The following PPFIBP2 variants were observed in gnomAD, a reference collection of about 807,000 sequenced individuals.
PPFIBP2 encodes liprin-beta-2.
PPFIBP2 carries 118 observed loss-of-function variants against 118.3 expected under a neutral mutation model. The observed-to-expected ratio is 1.00, with a 90% confidence interval of 0.86 to 1.16. The LOEUF is 1.16. Ranked by LOEUF, PPFIBP2 falls within the 50% of genes most tolerant of loss-of-function variation. The probability of loss-of-function intolerance (pLI) is 0.00; values close to 1 mark genes in which losing one functional copy is unlikely to be tolerated. For synonymous variants in PPFIBP2, 414 were observed against 397.4 expected, an observed-to-expected ratio of 1.04 and a Z score of -0.50; for missense variants, 1,195 against 1,073.1, an observed-to-expected ratio of 1.11 and a Z score of -1.59.
downstream of PPFIBP2, chr11:7,656,706 C>T (rs1337948862): frequency 7.8e-7 from 1 of 1,289,746 alleles, no homozygotes; most frequent in East Asian, 5.5e-5. Context: ...TAAACTGACC[C>T]TTCGGCTGTG....
chr11:7,570,125 C>G (rs1383813804), intron 3 of PPFIBP2, among the ~76,000 whole-genome samples: 1 of 141,912 alleles, frequency 7.0e-6, no homozygotes, highest in Non-Finnish European at 1.5e-5. Context: ...AAAGGGGTGT[C>G]TCTACCCCTC....
chr11:7,540,299 C>T (rs184558391), intron 1 of PPFIBP2, among the ~76,000 whole-genome samples: 1 of 152,208 alleles, frequency 6.6e-6, no homozygotes, highest in Admixed American at 6.5e-5. Context: ...GAAGCCAGTG[C>T]AGCCACTCTG....
intron 5 of PPFIBP2, chr11:7,598,162 C>G (rs2135336740): frequency 5.9e-6 from 1 of 169,124 alleles, no homozygotes; most frequent in African/African-American, 2.4e-5. Flanking sequence ...TAACTGTTCC[C>G]TACCATTCAA....
At position 7,627,419 on chromosome 11, in the gene PPFIBP2, A is replaced by C. The variant is rs1440138260; in HGVS notation, c.827-866A>C. 4.6e-5 allele frequency among the ~76,000 whole-genome samples: 7 copies of C among 152,182 alleles called. No homozygotes were observed. The East Asian group carries it at 1.3e-3, about 29-fold the overall frequency. On this transcript the variant is annotated intron_variant, in intron 8 of 23. Coordinates refer to ENST00000299492, the MANE Select transcript of PPFIBP2 (RefSeq NM_003621.5). Reference sequence around the variant, plus strand: ...TGTTAGATACAACAAGCATCCCAAAAGAAAATGGGAGGCCTATATATTTGT... The same window carrying C: ...TGTTAGATACAACAAGCATCCCAAACGAAAATGGGAGGCCTATATATTTGT...
rs145494599 is a variant in PPFIBP2, at chr11:7,651,843, G to C, written c.2435G>C (p.Arg812Pro). The C allele has an allele frequency of 8.1e-6, 13 of 1,607,500 alleles. No homozygotes were observed. The highest frequency in any genetic ancestry group is 1.1e-5 in the Non-Finnish European group (13 of 1,174,912). The change falls in exon 23 of 24, where the codon CGG becomes CCG. Residue 812 changes from arginine (R) to proline (P), a missense_variant and splice_region_variant. Coordinates refer to ENST00000299492, the MANE Select transcript of PPFIBP2 (RefSeq NM_003621.5). ...YTPLTTTAKV[R>P]PRKLGFSHFG... ...CCACTGACCACCACAGCCAAAGTCC[G>C]GGTGAGTTGCAGAGCCTTTCTGGGT...
At chr11:7,605,692 T>G (rs1485605193) in intron 5 of PPFIBP2, 5 of 1,315,420 alleles carry the variant, frequency 3.8e-6, no homozygotes, top group Admixed American at 7.4e-5. Flanking sequence ...TTCAAGGAAG[T>G]TGATAAACCA....
intron 5 of PPFIBP2, among the ~76,000 whole-genome samples, chr11:7,600,307 C>T (rs188131628): frequency 7.2e-4 from 110 of 152,306 alleles, no homozygotes; most frequent in Non-Finnish European, 1.3e-3. Context: ...GATCTAAATC[C>T]AAAGTTGAAT....
chr11:7,637,094 C>T (rs916714239), intron 14 of PPFIBP2, among the ~76,000 whole-genome samples: 9 of 152,238 alleles, frequency 5.9e-5, no homozygotes, highest in Non-Finnish European at 8.8e-5. Context: ...TCCCCTACTC[C>T]TGACAGCTCT....
chr11:7,629,005 G>A (rs1440499558), intron 9 of PPFIBP2, among the ~76,000 whole-genome samples: 1 of 152,182 alleles, frequency 6.6e-6, no homozygotes, highest in Non-Finnish European at 1.5e-5. Context: ...CCTTTGCCTT[G>A]AAAGAAACGA....
intron 19 of PPFIBP2, 55 bp from the exon 20 acceptor site, chr11:7,649,092 C>G (rs938171820): frequency 2.6e-6 from 4 of 1,539,652 alleles, no homozygotes; most frequent in Non-Finnish European, 3.6e-6. Context: ...TTTTTGGTGT[C>G]TACATTCTCT....
At chr11:7,514,706 C>T (rs1456472095) in intron 1 of PPFIBP2, among the ~76,000 whole-genome samples, 1 of 152,202 alleles carries the variant, frequency 6.6e-6, no homozygotes, top group Non-Finnish European at 1.5e-5. Flanking sequence ...AAAGTGGGCT[C>T]CCTCCTCACC....
At chr11:7,659,961 G>A (rs1854856219), downstream of PPFIBP2, among the ~76,000 whole-genome samples, 2 of 124,868 alleles carry the variant, frequency 1.6e-5, 1 homozygote, top group South Asian at 5.7e-4. Context: ...TCTGTTGTTG[G>A]TATATAAGAA....
chr11:7,627,454 CT>C (rs60052463), intron 8 of PPFIBP2, among the ~76,000 whole-genome samples: 474 of 147,242 alleles, frequency 3.2e-3, no homozygotes, highest in South Asian at 9.6e-3. Context: ...TTCCCTTGTA[CT>C]TTTTTTTTTT....
At chr11:7,553,284 A>G (rs906079025) in intron 2 of PPFIBP2, among the ~76,000 whole-genome samples, 1 of 152,190 alleles carries the variant, frequency 6.6e-6, no homozygotes, top group African/African-American at 2.4e-5. Flanking sequence ...TGAAGTAGTA[A>G]CTGGCTCACA....
Position 7,610,411 on chromosome 11 carries a change from A to T in PPFIBP2, c.607A>T (p.Arg203Ter). ...KEQREQEEKQ[R>*]KAEELLQELR... is the part of the protein sequence containing the mutation. The stretch of plus-strand genomic sequence containing the variant: ...GCAGAGAGAGCAGGAGGAGAAGCAG[A>T]GAAAAGCAGAGGTAAGGGTGAGTGT... Residue 203 changes from arginine to a stop codon, truncating the protein, a stop_gained, in exon 6 of 24, where the codon AGA (arginine) becomes TGA (stop). Coordinates refer to ENST00000299492, the MANE Select transcript of PPFIBP2 (RefSeq NM_003621.5). LOFTEE classifies it high-confidence loss of function. 6.2e-7 allele frequency: 1 copy of T among 1,613,794 alleles called. No individual in the cohort carries two copies. The highest frequency in any genetic ancestry group is 1.3e-5 in the African/African-American group (1 of 75,070).
chr11:7,612,491 A>C (rs1848185672), intron 6 of PPFIBP2, among the ~76,000 whole-genome samples: 1 of 152,252 alleles, frequency 6.6e-6, no homozygotes. Flanking sequence ...CAGTCCCTTT[A>C]CAGGGACATC....
At chr11:7,573,490 T>C (rs969234060) in intron 3 of PPFIBP2, among the ~76,000 whole-genome samples, 1 of 152,266 alleles carries the variant, frequency 6.6e-6, no homozygotes, top group African/African-American at 2.4e-5. Context: ...GTATTGGCTG[T>C]GGCTGCTTTT....
Position 7,565,598 on chromosome 11 carries a change from GA to G in PPFIBP2, c.111del (p.Leu38TrpfsTer8). On this transcript the variant is annotated frameshift_variant, in exon 3 of 24. Transcript: ENST00000299492. LOFTEE classifies it high-confidence loss of function. ...ADLSDGTCEP[G>X]LASPASYMNP... ...CTTAGTGATGGTACTTGTGAGCCTG[GA>G]CTGGCTTCCCCGGCCTCCTACATGA... 6.2e-7 allele frequency: 1 copy of G among 1,614,174 alleles called. No homozygotes were observed. The highest frequency in any genetic ancestry group is 1.1e-5 in the South Asian group (1 of 91,082).
At position 7,653,066 on chromosome 11, in the gene PPFIBP2, AAG is replaced by A. The variant is rs1554997493; in HGVS notation, c.2481_2482del (p.Lys828ValfsTer3). The A allele has an allele frequency of 6.2e-7, 1 of 1,613,378 alleles. No individual in the cohort carries two copies. Among genetic ancestry groups the A allele is most frequent in the South Asian group, 1.1e-5 (1 of 91,002 alleles). ...TTCACACTTCGGAAACATAAGAAAA[AAG>A]AAGTTCGATGAATCGACGGACTACA... is the stretch of plus-strand genomic sequence containing the variant. Reference protein sequence around the residue: ...GFSHFGNIRKKKFDESTDYIC... With the variant: ...GFSHFGNIRKXKFDESTDYIC... On this transcript the variant is annotated frameshift_variant, in exon 24 of 24. Transcript: ENST00000299492. LOFTEE classifies it high-confidence loss of function.
Sources: gnomAD v4.1 joint callset for allele counts (sites outside exome capture counted in the v4.1 genomes callset) on GRCh38, gnomAD v4.1.1 for gene constraint, MANE v1.5 for transcripts, NCBI Gene and HGNC (gene_info 2026-07-23, HGNC 2026-07-21) for gene names.